Variants in CACNA1I observed in about 807,000 individuals in gnomAD.
CACNA1I encodes the protein voltage-dependent T-type calcium channel subunit alpha-1I.
CACNA1I carries 74 observed loss-of-function variants against 201.6 expected under a neutral mutation model. That is an observed-to-expected ratio of 0.37 (90% CI 0.30 to 0.45). CACNA1I has a LOEUF of 0.45. Ranked by LOEUF, CACNA1I falls within the 20% of genes least tolerant of loss-of-function variation. The pLI is 1.00. For missense variants in CACNA1I, 2,346 were observed against 3,138.1 expected (o/e 0.75, Z 6.03); for synonymous variants, 1,431 against 1,345.2 (o/e 1.06, Z -1.40).
At chr22:39,623,528 G>A (rs1367672303) in intron 4 of CACNA1I, among the ~76,000 whole-genome samples, 1 of 151,054 alleles carries the variant, frequency 6.6e-6, no homozygotes, top group Non-Finnish European at 1.5e-5. Flanking sequence ...GTTCATGCCT[G>A]AGCATATGTG....
intron 34 of CACNA1I, 97 bp downstream of exon 34, chr22:39,681,149 T>C (rs1935693402): frequency 2.2e-6 from 3 of 1,377,536 alleles, no homozygotes; most frequent in Non-Finnish European, 2.9e-6. Context: ...CAGTCTACCA[T>C]GTAAACGGCA....
At chr22:39,655,994 C>G (rs1036017026) in intron 10 of CACNA1I, among the ~76,000 whole-genome samples, 1 of 152,210 alleles carries the variant, frequency 6.6e-6, no homozygotes, top group Non-Finnish European at 1.5e-5. Flanking sequence ...TCTCCGCGGA[C>G]ATCGCTTACT....
intron 31 of CACNA1I, among the ~76,000 whole-genome samples, chr22:39,678,524 A>C (rs1466942210): frequency 6.6e-6 from 1 of 152,146 alleles, no homozygotes; most frequent in Non-Finnish European, 1.5e-5. Context: ...CCCAGAGGAC[A>C]GGGGTAAGGC....
At position 39,575,842 on chromosome 22, in the gene CACNA1I, T is replaced by G. The variant is rs1264482889; in HGVS notation, c.236+4854T>G. ...CAGGATGGAGTGCAATGGCATGATC[T>G]TGGCTCACTGCAACCTCTGCCTCCT... On this transcript the variant is annotated intron_variant, in intron 1 of 36. Coordinates refer to ENST00000402142, the MANE Select transcript of CACNA1I (RefSeq NM_021096.4). Among the ~76,000 whole-genome samples, 3 of 152,160 alleles carry G rather than the reference T, an allele frequency of 2.0e-5. No homozygotes were observed. The East Asian group carries it at 5.8e-4, about 29-fold the overall frequency.
At chr22:39,590,019 TG>T (rs1331717420) in intron 1 of CACNA1I, among the ~76,000 whole-genome samples, 1 of 150,306 alleles carries the variant, frequency 6.7e-6, no homozygotes, top group Non-Finnish European at 1.5e-5. Context: ...GAGTGTCGCC[TG>T]GGCCTGCAGA....
At chr22:39,573,398 G>A (rs775876605) in intron 1 of CACNA1I, among the ~76,000 whole-genome samples, 6 of 152,142 alleles carry the variant, frequency 3.9e-5, no homozygotes, top group Non-Finnish European at 5.9e-5. Flanking sequence ...ACCCAGCTGC[G>A]TCTCTGATGG....
chr22:39,634,520 C>G, intron 4 of CACNA1I, 45 bp from the exon 5 acceptor site: 1 of 1,599,190 alleles, frequency 6.3e-7, no homozygotes, highest in Non-Finnish European at 8.6e-7. Context: ...GTCTCTGGGA[C>G]CTCTGCTCCC....
At chr22:39,595,703 C>T (rs562825091) in intron 1 of CACNA1I, among the ~76,000 whole-genome samples, 1 of 152,210 alleles carries the variant, frequency 6.6e-6, no homozygotes, top group East Asian at 1.9e-4. Flanking sequence ...CTCTTTCTCT[C>T]TCTCAGAATC....
chr22:39,684,577 G>A lies in CACNA1I; in HGVS notation c.6027+79G>A. 2 of 1,481,588 alleles carry A rather than the reference G, an allele frequency of 1.3e-6. No individual in the cohort carries two copies. Among genetic ancestry groups the A allele is most frequent in the Non-Finnish European group, 9.3e-7 (1 of 1,080,844 alleles). 91.8% of individuals were successfully genotyped at this position (1,481,588 alleles called of 1,614,324 possible). The stretch of plus-strand genomic sequence containing the variant: ...CTAAGCCAGGCCTGGAAGTCCAAGG[G>A]ACTGGGAGGGGAAGGACCCAACCAA... On this transcript the variant is annotated intron_variant, in intron 36 of 36. Coordinates refer to ENST00000402142, the MANE Select transcript of CACNA1I (RefSeq NM_021096.4). This position sits in a 1 kb window ranked among gnomAD's most constrained non-coding sequence, Gnocchi z 4.6.
chr22:39,682,412 G>A (rs1935731388), intron 34 of CACNA1I, 84 bp from the exon 35 acceptor site: 5 of 1,155,344 alleles, frequency 4.3e-6, no homozygotes, highest in East Asian at 2.4e-5. Flanking sequence ...GTTAAGCAAG[G>A]GGCCGTGGAG....
rs373340770 is a variant in CACNA1I at position 39,677,048 on chromosome 22, C to T, written c.4855-293C>T. On this transcript the variant is annotated intron_variant, in intron 29 of 36. Transcript: ENST00000402142. The surrounding 1 kb of genome is among the most constrained non-coding windows in gnomAD (Gnocchi z 4.8). ...TGAAGAATGGGGATAAAAGATAGTTCGTGGATTATTGTGAGGAGGAAGTGA... is the reference window on the plus strand; with the variant it reads ...TGAAGAATGGGGATAAAAGATAGTTTGTGGATTATTGTGAGGAGGAAGTGA... 7.2e-5 allele frequency among the ~76,000 whole-genome samples: 11 copies of T among 152,316 alleles called. No homozygotes were observed. In the East Asian group the frequency reaches 1.5e-3, roughly 21 times the overall value.
At chr22:39,660,731 C>A (rs1212444617) in intron 15 of CACNA1I, among the ~76,000 whole-genome samples, 4 of 152,110 alleles carry the variant, frequency 2.6e-5, no homozygotes, top group Admixed American at 2.6e-4. Context: ...GGTGTAGGTT[C>A]TGGTCCTGCC....
chr22:39,599,904 C>G (rs1383250401), intron 2 of CACNA1I, among the ~76,000 whole-genome samples: 1 of 152,222 alleles, frequency 6.6e-6, no homozygotes, highest in African/African-American at 2.4e-5. Flanking sequence ...CACCCAGTCC[C>G]CGCCCTCAGG....
At chr22:39,644,056 G>A in intron 7 of CACNA1I, among the ~76,000 whole-genome samples, 1 of 152,164 alleles carries the variant, frequency 6.6e-6, no homozygotes, top group Non-Finnish European at 1.5e-5. Flanking sequence ...TGGGGAGGTG[G>A]GAGGCTTCCT....
intron 35 of CACNA1I, 125 bp downstream of exon 35, chr22:39,682,786 C>T: frequency 1.3e-6 from 1 of 750,098 alleles, no homozygotes; most frequent in Non-Finnish European, 2.1e-6. Flanking sequence ...CAGAAAGAAC[C>T]AGATGGATAT....
chr22:39,656,406 G>A (rs766084401), intron 10 of CACNA1I: 13 of 518,812 alleles, frequency 2.5e-5, no homozygotes, highest in Middle Eastern at 3.2e-4. Context: ...TAGCTTTTAG[G>A]TCTCTGCTGA....
At chr22:39,602,134 C>G (rs1458328017) in intron 3 of CACNA1I, among the ~76,000 whole-genome samples, 1 of 125,650 alleles carries the variant, frequency 8.0e-6, no homozygotes, top group Non-Finnish European at 1.6e-5. Flanking sequence ...TGTGGTGATG[C>G]AGTCACCACA....
At chr22:39,653,871 T>C (rs893052484) in intron 10 of CACNA1I, among the ~76,000 whole-genome samples, 1 of 152,116 alleles carries the variant, frequency 6.6e-6, no homozygotes, top group African/African-American at 2.4e-5. Flanking sequence ...AAGGAGGGGA[T>C]GGGTGAGGTA....
At chr22:39,585,884 T>TA (rs951041061) in intron 1 of CACNA1I, among the ~76,000 whole-genome samples, 7 of 151,286 alleles carry the variant, frequency 4.6e-5, no homozygotes, top group African/African-American at 7.3e-5. Context: ...CTTCAATATT[T>TA]AAAAAAATGC....
Sources: gnomAD v4.1 joint callset for allele counts (sites outside exome capture counted in the v4.1 genomes callset) on GRCh38, gnomAD v4.1.1 for gene constraint, Gnocchi (gnomAD v3.1) non-coding constraint, MANE v1.5 for transcripts, NCBI Gene and HGNC (gene_info 2026-07-23, HGNC 2026-07-21) for gene names.